RASGRF1: variants seen among roughly 807,000 people sequenced by gnomAD.
The protein encoded by RASGRF1 is ras-specific guanine nucleotide-releasing factor 1.
A neutral mutation model predicts 138.7 loss-of-function variants in RASGRF1; 40 were observed. That is an observed-to-expected ratio of 0.29 (90% CI 0.22 to 0.38). RASGRF1 has a LOEUF of 0.38. Ranked by LOEUF, RASGRF1 falls within the 10% of genes least tolerant of loss-of-function variation. The pLI, the probability that RASGRF1 is intolerant of heterozygous loss-of-function variation, is 1.00. For missense variants in RASGRF1, 1,108 were observed against 1,650.4 expected, an observed-to-expected ratio of 0.67 and a Z score of 5.69; for synonymous variants, 614 against 663.2, an observed-to-expected ratio of 0.93 and a Z score of 1.14.
chr15:79,034,545 GAAC>G (rs1403323991), intron 6 of RASGRF1, among the ~76,000 whole-genome samples: 2 of 152,096 alleles, frequency 1.3e-5, no homozygotes, highest in Admixed American at 6.6e-5. Flanking sequence ...TAAAAAATTG[GAAC>G]AACTCTAAGA....
chr15:79,088,527 C>T (rs3851677), intron 1 of RASGRF1, among the ~76,000 whole-genome samples: 60,220 of 152,040 alleles, frequency 0.4, 12,179 homozygotes, highest in East Asian at 0.5. Context: ...TCTGCCTTCA[C>T]GTCCAGGGGG....
At position 78,961,991 on chromosome 15, in the gene RASGRF1, T is replaced by C. The variant is rs748670444; in HGVS notation, c.*153A>G. On this transcript the variant is annotated 3_prime_UTR_variant, in exon 27 of 27. Transcript: ENST00000558480. Reference sequence around the variant, plus strand: ...AAGTCTGAAACGGTGCAGAAATTCATATTCCGGTTCTACAGGAATCTAAGA... The same window carrying C: ...AAGTCTGAAACGGTGCAGAAATTCACATTCCGGTTCTACAGGAATCTAAGA... 2.5e-5 allele frequency: 15 copies of C among 607,640 alleles called. No homozygotes were observed. Among genetic ancestry groups the C allele is most frequent in the Non-Finnish European group, 4.1e-5 (14 of 342,998 alleles). 37.6% of individuals were successfully genotyped at this position (607,640 alleles called of 1,614,324 possible).
At chr15:78,978,645 C>T in intron 24 of RASGRF1, 1 of 1,010,332 alleles carries the variant, frequency 9.9e-7, no homozygotes, top group South Asian at 4.2e-5. Flanking sequence ...TGGCTATGCC[C>T]ATGGACTGCC....
intron 4 of RASGRF1, 74 bp downstream of exon 4, chr15:79,049,422 G>T: frequency 7.1e-7 from 1 of 1,410,462 alleles, no homozygotes; most frequent in Non-Finnish European, 9.9e-7. Context: ...GCTGTGGTGT[G>T]GATACTGCCA....
chr15:78,988,375 A>G (rs1389738106), intron 22 of RASGRF1, among the ~76,000 whole-genome samples: 4 of 152,196 alleles, frequency 2.6e-5, no homozygotes, highest in Non-Finnish European at 5.9e-5. Context: ...CTGGTGCTGT[A>G]AGGTGTGGTT....
At chr15:79,034,347 G>T (rs2057188734) in intron 6 of RASGRF1, among the ~76,000 whole-genome samples, 1 of 152,080 alleles carries the variant, frequency 6.6e-6, no homozygotes, top group Non-Finnish European at 1.5e-5. Flanking sequence ...AGGTTCTTCT[G>T]TCTGTTGCTT....
chr15:79,035,995 G>A (rs1450728657), intron 5 of RASGRF1, among the ~76,000 whole-genome samples: 2 of 152,214 alleles, frequency 1.3e-5, no homozygotes, highest in African/African-American at 2.4e-5. Context: ...CGCGGGCTGG[G>A]TACAGGCAGC....
Position 79,043,018 on chromosome 15 carries a change from C to G in RASGRF1, c.878+3728G>C, listed in dbSNP as rs76389280. Among the ~76,000 whole-genome samples, 268 of 152,310 alleles carry G rather than the reference C, an allele frequency of 1.8e-3. 1 individual carries two copies. The highest frequency in any genetic ancestry group is 6.3e-3 in the African/African-American group (263 of 41,578). On this transcript the variant is annotated intron_variant, in intron 5 of 26. Coordinates refer to ENST00000558480, the MANE Select transcript of RASGRF1 (RefSeq NM_001145648.3). The stretch of plus-strand genomic sequence containing the variant: ...CAGCTCTTCCTTCCCATCCTGACCC[C>G]TGGGGAAGGAAAGATTTCTGGCTTG...
intron 7 of RASGRF1, 37 bp from the exon 8 acceptor site, chr15:79,031,546 G>T: frequency 6.7e-7 from 1 of 1,494,794 alleles, no homozygotes; most frequent in Non-Finnish European, 9.3e-7. Flanking sequence ...TGGAGAAAGA[G>T]CCAGGGAAGT....
intron 26 of RASGRF1, among the ~76,000 whole-genome samples, chr15:78,969,932 T>A (rs2055717633): frequency 1.3e-5 from 2 of 151,992 alleles, no homozygotes; most frequent in South Asian, 4.2e-4. Flanking sequence ...ATTTGTGGAG[T>A]GAGAGAATGA....
intron 11 of RASGRF1, among the ~76,000 whole-genome samples, chr15:79,018,987 T>C (rs1221295129): frequency 6.6e-6 from 1 of 152,158 alleles, no homozygotes; most frequent in Non-Finnish European, 1.5e-5. Context: ...GGGGAACCAC[T>C]TGATTTGGCC....
At chr15:78,977,142 T>G (rs944711878) in intron 24 of RASGRF1, among the ~76,000 whole-genome samples, 10 of 152,204 alleles carry the variant, frequency 6.6e-5, no homozygotes, top group Admixed American at 5.2e-4. Context: ...TACACCAAAC[T>G]CCAGGAAACC....
intron 13 of RASGRF1, among the ~76,000 whole-genome samples, chr15:79,010,070 A>C (rs1479154154): frequency 7.8e-5 from 8 of 102,248 alleles, no homozygotes; most frequent in African/African-American, 1.2e-4. Flanking sequence ...AGTCTCACCC[A>C]CTCTGTCGCC....
In RASGRF1 at chr15:79,027,666, C is replaced by G. The variant is rs1338577098; in HGVS notation, c.1381+75G>C. On this transcript the variant is annotated intron_variant, in intron 9 of 26. Transcript: ENST00000558480. The surrounding 1 kb of genome is among the most constrained non-coding windows in gnomAD (Gnocchi z 4.8). ...TGGCAGCCAAACCAACTGGTGGCGTCCCCGAGTGCCGCCTCCCTCCCGCTG... is the reference window on the plus strand; with the variant it reads ...TGGCAGCCAAACCAACTGGTGGCGTGCCCGAGTGCCGCCTCCCTCCCGCTG... 7 of 1,380,936 alleles carry G rather than the reference C, an allele frequency of 5.1e-6. No individual in the cohort carries two copies. Among genetic ancestry groups the G allele is most frequent in the African/African-American group, 4.3e-5 (3 of 69,784 alleles). The allele number at this position is 1,380,936 out of a possible 1,614,324, so 85.5% of individuals were successfully genotyped here.
At chr15:78,980,769 C>A in intron 23 of RASGRF1, 70 bp from the exon 24 acceptor site, 1 of 1,217,016 alleles carries the variant, frequency 8.2e-7, no homozygotes, top group Non-Finnish European at 1.2e-6. Flanking sequence ...GGGATCAGGC[C>A]CACACTCCAA....
intron 13 of RASGRF1, among the ~76,000 whole-genome samples, chr15:79,013,964 A>G (rs927838215): frequency 1.3e-5 from 2 of 152,366 alleles, no homozygotes; most frequent in East Asian, 3.9e-4. Context: ...AAGAGTACAT[A>G]AAGTTTCATT....
chr15:79,007,573 T>C (rs1189786836), intron 13 of RASGRF1, among the ~76,000 whole-genome samples: 2 of 133,914 alleles, frequency 1.5e-5, no homozygotes, highest in African/African-American at 5.6e-5. Flanking sequence ...TTTAATGAGA[T>C]AAGGTCTCAT....
In RASGRF1 at chr15:78,973,271, C is replaced by T. The variant is rs754804570; in HGVS notation, c.3612+32G>A. 5 of 1,534,620 alleles carry T rather than the reference C, an allele frequency of 3.3e-6. No individual in the cohort carries two copies. In the Middle Eastern group the frequency reaches 5.2e-4, roughly 159 times the overall value. ...GTTGAGTCATCTGGGCTTCAACGCC[C>T]CCCTTCCCCTGCCTGGCTGGGGGGA... On this transcript the variant is annotated intron_variant, in intron 25 of 26. Transcript: ENST00000558480. This position sits in a 1 kb window ranked among gnomAD's most constrained non-coding sequence, Gnocchi z 4.9.
At chr15:79,041,577 AGAGTAG>A (rs1213719386) in intron 5 of RASGRF1, among the ~76,000 whole-genome samples, 1 of 152,220 alleles carries the variant, frequency 6.6e-6, no homozygotes, top group Non-Finnish European at 1.5e-5. Flanking sequence ...ACATGAACAA[AGAGTAG>A]GACTGCTGTT....
Sources: gnomAD v4.1 joint callset for allele counts (sites outside exome capture counted in the v4.1 genomes callset) on GRCh38, gnomAD v4.1.1 for gene constraint, Gnocchi (gnomAD v3.1) non-coding constraint, MANE v1.5 for transcripts, NCBI Gene and HGNC (gene_info 2026-07-23, HGNC 2026-07-21) for gene names.